Variants in FAT2 observed in about 807,000 individuals in gnomAD.
FAT2 encodes protocadherin Fat 2.
FAT2 carries 150 observed loss-of-function variants against 295.3 expected under a neutral mutation model. That is an observed-to-expected ratio of 0.51 (90% confidence interval 0.44 to 0.58). The LOEUF (loss-of-function observed/expected upper bound fraction) is 0.58. FAT2 is among the 20% of genes least tolerant of loss of function. FAT2 has a pLI of 0.00. For synonymous variants in FAT2, 2,026 were observed against 2,150.3 expected, an observed-to-expected ratio of 0.94 and a Z score of 1.60; for missense variants, 4,868 against 5,442.7, an observed-to-expected ratio of 0.89 and a Z score of 3.32.
chr5:151,539,704 T>G (rs1755902931), intron 11 of FAT2, among the ~76,000 whole-genome samples: 1 of 152,220 alleles, frequency 6.6e-6, no homozygotes, highest in Admixed American at 6.5e-5. Flanking sequence ...TAAAAACTAC[T>G]TACTGTGTTT....
intron 13 of FAT2, among the ~76,000 whole-genome samples, chr5:151,534,129 G>T (rs546893416): frequency 1.6e-4 from 24 of 152,266 alleles, no homozygotes; most frequent in African/African-American, 5.3e-4. Flanking sequence ...TGCCTTTGTG[G>T]TTAAATGGCA....
chr5:151,559,954 C>T (rs113471058), intron 3 of FAT2, among the ~76,000 whole-genome samples: 7 of 152,266 alleles, frequency 4.6e-5, no homozygotes, highest in African/African-American at 9.6e-5. Flanking sequence ...GATGAGGTGG[C>T]GCTCAGTGGA....
chr5:151,507,699 T>C, intron 22 of FAT2, 88 bp from the exon 23 acceptor site: 2 of 1,248,040 alleles, frequency 1.6e-6, no homozygotes, highest in Non-Finnish European at 2.2e-6. Context: ...TAGAGACTGC[T>C]CCCCCCAAAA....
chr5:151,545,085 C>G lies in FAT2; in HGVS notation c.6042G>C (p.Met2014Ile), dbSNP rs1413100569. ...TCTGCAACACACCTGCTGACTGGAC[C>G]ATATGAAACATATCTGTGCCATTCA... is the stretch of plus-strand genomic sequence containing the variant. ...FLLNGTDMFH[M>I]VQSAGVLQTR... Residue 2014 changes from methionine (M) to isoleucine (I), a missense_variant, in exon 10 of 24, where the codon ATG (methionine) becomes ATC (isoleucine). This residue lies in a region of FAT2 where 3,297 missense variants were observed against 3,669.4 expected (regional missense o/e 0.90). Coordinates refer to ENST00000261800, the MANE Select transcript of FAT2 (RefSeq NM_001447.3). 1 of 1,614,130 alleles carries G rather than the reference C, an allele frequency of 6.2e-7. No individual in the cohort carries two copies. Among genetic ancestry groups the G allele is most frequent in the Non-Finnish European group, 8.5e-7 (1 of 1,180,018 alleles).
At chr5:151,578,751 A>G (rs551326679) in intron 1 of FAT2, among the ~76,000 whole-genome samples, 30 of 152,354 alleles carry the variant, frequency 2.0e-4, no homozygotes, top group African/African-American at 6.5e-4. Flanking sequence ...TAAAGAAAAT[A>G]TGGCCTATAT....
rs777938233 is a variant in FAT2, at chr5:151,517,648, G to A, written c.11435C>T (p.Thr3812Ile). 1 of 1,614,148 alleles carries A rather than the reference G, an allele frequency of 6.2e-7. No individual in the cohort carries two copies. Among genetic ancestry groups the A allele is most frequent in the Non-Finnish European group, 8.5e-7 (1 of 1,180,020 alleles). ...CAGGGAGACGGACGCTGTTTCATTG[G>A]TGAATAGAAGAATGGCCTGTGGCTG... ...TLQPQAILLF[T>I]NETASVSLKL... Residue 3812 changes from threonine (T) to isoleucine (I), a missense_variant, in exon 20 of 24, where the codon ACC becomes ATC. Transcript: ENST00000261800.
chr5:151,525,664 G>A, intron 18 of FAT2, 104 bp downstream of exon 18: 1 of 1,312,996 alleles, frequency 7.6e-7, no homozygotes, highest in South Asian at 1.2e-5. Context: ...TGCATCCTAA[G>A]TGCTTTGTAC....
intron 2 of FAT2, among the ~76,000 whole-genome samples, 194 bp from the exon 3 acceptor site, chr5:151,563,833 T>C (rs894161914): frequency 1.3e-5 from 2 of 152,224 alleles, no homozygotes; most frequent in Non-Finnish European, 2.9e-5. Context: ...TTAATATCCT[T>C]ATTCTAGAAC....
Position 151,567,514 on chromosome 5 carries a change from G to A in FAT2, c.1418C>T (p.Pro473Leu). The change falls in exon 2 of 24, where the codon CCA becomes CTA. Residue 473 changes from proline to leucine, a missense_variant. Coordinates refer to ENST00000261800, the MANE Select transcript of FAT2 (RefSeq NM_001447.3). ...YDGTLDENIP[P>L]GTSVLAVTAT... ...AGTCACAGCCAAAACACTGGTGCCT[G>A]GAGGGATGTTCTCATCCAAGGTACC... 6.2e-7 allele frequency: 1 copy of A among 1,614,168 alleles called. No homozygotes were observed. The highest frequency in any genetic ancestry group is 1.1e-5 in the South Asian group (1 of 91,074).
chr5:151,545,295 A>G lies in FAT2; in HGVS notation c.5832T>C (p.Ser1944=), dbSNP rs747385313. The part of the protein sequence containing the change: ...GLSRKLTIRA[S]DGLYQDTALV... ...GCGCAGTGTCTTGATACAAGCCATC[A>G]GAAGCCCTGATGGTGAGCTTCCGAG... is the stretch of plus-strand genomic sequence containing the variant. The change falls in exon 10 of 24, where the codon TCT becomes TCC. Residue 1944 remains serine (S), a synonymous_variant. Coordinates refer to ENST00000261800, the MANE Select transcript of FAT2 (RefSeq NM_001447.3). The G allele has an allele frequency of 6.2e-7, 1 of 1,614,194 alleles. No individual in the cohort carries two copies.
At chr5:151,578,666 C>T (rs1399038641) in intron 1 of FAT2, among the ~76,000 whole-genome samples, 2 of 152,208 alleles carry the variant, frequency 1.3e-5, no homozygotes, top group Admixed American at 6.5e-5. Context: ...GATACCTGCA[C>T]GCCCATCTTT....
chr5:151,567,248 G>A lies in FAT2; in HGVS notation c.1684C>T (p.Pro562Ser), dbSNP rs1758315823. The change falls in exon 2 of 24, where the codon CCT becomes TCT. Residue 562 changes from proline to serine, a missense_variant. Pro to Ser is a moderately conservative substitution (Grantham distance 74, BLOSUM62 -1). Around this residue, in one of 5 missense-constraint regions of FAT2, gnomAD observed 3,297 missense variants for 3,669.4 expected, o/e 0.90. Transcript: ENST00000261800. ...LQLRNLNDNQPMFEEVNCTGS... is the reference protein window; with the variant it reads ...LQLRNLNDNQSMFEEVNCTGS... ...GTACAGTTGACTTCTTCAAACATAGGCTGGTTGTCATTCAAGTTCCTGAGC... is the reference window on the plus strand; with the variant it reads ...GTACAGTTGACTTCTTCAAACATAGACTGGTTGTCATTCAAGTTCCTGAGC... The A allele has an allele frequency of 6.2e-7, 1 of 1,614,028 alleles. No homozygotes were observed. The highest frequency in any genetic ancestry group is 1.7e-5 in the Admixed American group (1 of 59,998).
At chr5:151,511,966 G>T (rs1761357970) in intron 21 of FAT2, 199 bp downstream of exon 21, 3 of 594,808 alleles carry the variant, frequency 5.0e-6, no homozygotes, top group Non-Finnish European at 9.0e-6. Context: ...TAGAAAGATA[G>T]TTTTTGTTGA....
chr5:151,546,190 A>G lies in FAT2; in HGVS notation c.4937T>C (p.Val1646Ala). The change falls in exon 10 of 24, where the codon GTG (valine) becomes GCG (alanine). Residue 1646 changes from valine to alanine, a missense_variant. Physicochemically the swap from Val to Ala is moderately conservative, Grantham distance 64. Transcript: ENST00000261800. ...GSPQWHDLAT[V>A]IIHVYPSDRS... Reference sequence around the variant, plus strand: ...ATCTGAGGGATAGACATGAATGATCACTGTAGCCAGGTCATGCCATTGTGG... The same window carrying G: ...ATCTGAGGGATAGACATGAATGATCGCTGTAGCCAGGTCATGCCATTGTGG... 2 of 1,614,182 alleles carry G rather than the reference A, an allele frequency of 1.2e-6. No individual in the cohort carries two copies. Among genetic ancestry groups the G allele is most frequent in the Non-Finnish European group, 1.7e-6 (2 of 1,180,030 alleles).
chr5:151,591,884 C>T (rs1759425587), upstream of FAT2, among the ~76,000 whole-genome samples: 1 of 152,160 alleles, frequency 6.6e-6, no homozygotes, highest in South Asian at 2.1e-4. Context: ...TGCTAAGAAA[C>T]CAGTCAGGAC....
intron 13 of FAT2, among the ~76,000 whole-genome samples, chr5:151,534,135 T>C (rs145802428): frequency 6.8e-4 from 103 of 152,312 alleles, no homozygotes; most frequent in Non-Finnish European, 1.2e-3. Context: ...TGTGGTTAAA[T>C]GGCAGTATTG....
intron 19 of FAT2, among the ~76,000 whole-genome samples, chr5:151,519,373 C>G (rs1384522072): frequency 6.6e-6 from 1 of 152,106 alleles, no homozygotes; most frequent in Admixed American, 6.5e-5. Context: ...CAAACAAGTC[C>G]AAAATTCCCT....
chr5:151,565,465 G>A lies in FAT2; in HGVS notation c.3259+208C>T, dbSNP rs140636285. Among the ~76,000 whole-genome samples the A allele has an allele frequency of 6.0e-4, 91 of 152,052 alleles. No homozygotes were observed. The East Asian group carries it at 0.014, about 24-fold the overall frequency. On this transcript the variant is annotated intron_variant, in intron 2 of 23. Coordinates refer to ENST00000261800, the MANE Select transcript of FAT2 (RefSeq NM_001447.3). ...GAATATGTAATATATGTGCATATAT[G>A]TGTATGTGTATATGCACATATATAG... is the stretch of plus-strand genomic sequence containing the variant.
chr5:151,579,529 AC>A (rs1271148233), intron 1 of FAT2, among the ~76,000 whole-genome samples: 2 of 152,188 alleles, frequency 1.3e-5, no homozygotes, highest in African/African-American at 4.8e-5. Context: ...CAATGATCAC[AC>A]CACTGCACTC....
Sources: allele counts gnomAD v4.1 joint callset (sites outside exome capture counted in the v4.1 genomes callset), GRCh38; gene constraint gnomAD v4.1.1; regional missense constraint gnomAD v4.1.1; transcripts MANE v1.5; gene names NCBI Gene and HGNC (gene_info 2026-07-23, HGNC 2026-07-21).